Variants in SOX5 observed in about 807,000 individuals in gnomAD.
SOX5 encodes the protein SRY-box transcription factor 5.
A neutral mutation model predicts 92.0 loss-of-function variants in SOX5; 9 were observed. The ratio of observed to expected loss-of-function variants is 0.10; its 90% CI spans 0.06 to 0.17. The LOEUF (loss-of-function observed/expected upper bound fraction) is 0.17, where lower values mean the gene tolerates loss of function less well. Ranked by LOEUF, SOX5 falls within the 10% of genes least tolerant of loss-of-function variation. The probability of loss-of-function intolerance (pLI) is 1.00; values close to 1 mark genes in which losing one functional copy is unlikely to be tolerated. For synonymous variants in SOX5, 344 were observed against 336.3 expected (o/e 1.02, Z -0.25); for missense variants, 642 against 944.5 (o/e 0.68, Z 4.20).
chr12:23,814,978 T>C (rs1313955591), intron 3 of SOX5, among the ~76,000 whole-genome samples: 3 of 152,190 alleles, frequency 2.0e-5, no homozygotes, highest in South Asian at 2.1e-4. Context: ...CCTTTTAAAA[T>C]AGGTTAAGAA....
rs761897546 is a variant in SOX5, at chr12:23,529,678, T to C, written c.*4541A>G. 2 of 152,110 alleles carry C rather than the reference T, an allele frequency of 1.3e-5. No homozygotes were observed. The highest frequency in any genetic ancestry group is 2.4e-5 in the African/African-American group (1 of 41,438). The allele number at this position is 152,110 out of a possible 1,614,324, so 9.4% of individuals were successfully genotyped here. A position where few individuals can be genotyped will look rare whatever the true frequency, so the allele number is the denominator to read the frequency against. ...CTCCTGTTTTATTTTTATTGTGGCATGAATGATAACATAAAACCAAAAACA... is the reference window on the plus strand; with the variant it reads ...CTCCTGTTTTATTTTTATTGTGGCACGAATGATAACATAAAACCAAAAACA... On this transcript the variant is annotated 3_prime_UTR_variant, in exon 15 of 15. Coordinates refer to ENST00000451604, the MANE Select transcript of SOX5 (RefSeq NM_006940.6).
chr12:24,303,275 G>A (rs986381718), intron 2 of SOX5, among the ~76,000 whole-genome samples: 5 of 152,084 alleles, frequency 3.3e-5, no homozygotes, highest in Non-Finnish European at 7.4e-5. Flanking sequence ...CCTTAAAGTT[G>A]ACTGATTTCT....
chr12:24,561,404 G>A (rs117294929), intron 1 of SOX5, among the ~76,000 whole-genome samples: 13 of 152,306 alleles, frequency 8.5e-5, no homozygotes, highest in Middle Eastern at 6.8e-3. Context: ...TAGGGAAAAT[G>A]ACTAATAAAA....
At chr12:23,613,370 G>C (rs2076190295) in intron 8 of SOX5, among the ~76,000 whole-genome samples, 1 of 151,756 alleles carries the variant, frequency 6.6e-6, no homozygotes, top group Non-Finnish European at 1.5e-5. Flanking sequence ...AACAAATGCT[G>C]GCAAGGATGT....
intron 1 of SOX5, among the ~76,000 whole-genome samples, chr12:24,377,473 A>C (rs1957406344): frequency 6.6e-6 from 1 of 152,260 alleles, no homozygotes. Context: ...CTAAGAATGC[A>C]GAAAAATGTT....
At chr12:24,454,124 T>A (rs1471141370) in intron 1 of SOX5, among the ~76,000 whole-genome samples, 1 of 152,154 alleles carries the variant, frequency 6.6e-6, no homozygotes, top group East Asian at 1.9e-4. Flanking sequence ...TTTATTAATT[T>A]CCCACCAAAA....
chr12:24,058,535 T>C (rs770826493), intron 4 of SOX5, among the ~76,000 whole-genome samples: 21 of 152,338 alleles, frequency 1.4e-4, no homozygotes, highest in Non-Finnish European at 2.6e-4. Flanking sequence ...AAATTTTCTT[T>C]GCTGGTAAGT....
intron 4 of SOX5, among the ~76,000 whole-genome samples, chr12:23,961,053 T>C (rs2140011338): frequency 6.6e-6 from 1 of 152,302 alleles, no homozygotes; most frequent in East Asian, 1.9e-4. Flanking sequence ...CTATCAACTA[T>C]ACATAATGTT....
At chr12:24,053,011 T>G (rs887521978) in intron 4 of SOX5, among the ~76,000 whole-genome samples, 1 of 152,228 alleles carries the variant, frequency 6.6e-6, no homozygotes, top group Non-Finnish European at 1.5e-5. Flanking sequence ...CATTTTCTGC[T>G]GCTATGTTCT....
intron 7 of SOX5, among the ~76,000 whole-genome samples, chr12:23,652,900 T>C (rs934980975): frequency 2.0e-5 from 3 of 152,128 alleles, no homozygotes; most frequent in Non-Finnish European, 4.4e-5. Context: ...TGAAGTATAG[T>C]AAGTATTTAT....
At position 23,912,807 on chromosome 12, in the gene SOX5, A is replaced by G. The variant is rs77725441; in HGVS notation, c.39-16783T>C. On this transcript the variant is annotated intron_variant, in intron 1 of 14. Transcript: ENST00000451604. The stretch of plus-strand genomic sequence containing the variant: ...ATAGAAAAAATTGTATAGAAAGTAG[A>G]TTGGTGGTTGTCTAGGGTAGGGTAT... 8.6e-3 allele frequency among the ~76,000 whole-genome samples: 1,296 copies of G among 150,312 alleles called. 18 individuals carry two copies. The highest frequency in any genetic ancestry group is 0.03 in the African/African-American group (1,234 of 41,206).
intron 4 of SOX5, among the ~76,000 whole-genome samples, chr12:23,746,157 A>C (rs1268165664): frequency 6.6e-6 from 1 of 152,168 alleles, no homozygotes; most frequent in Non-Finnish European, 1.5e-5. Context: ...AAATTATCAC[A>C]TTCTTCATGA....
chr12:24,384,072 G>A (rs190910104), intron 1 of SOX5, among the ~76,000 whole-genome samples: 89 of 152,166 alleles, frequency 5.8e-4, no homozygotes, highest in African/African-American at 2.0e-3. Context: ...TTCCTCTACC[G>A]CCATTATTGT....
chr12:24,089,138 A>C (rs1375713684), intron 4 of SOX5, among the ~76,000 whole-genome samples: 1 of 152,158 alleles, frequency 6.6e-6, no homozygotes, highest in East Asian at 1.9e-4. Context: ...AGAAGATAAA[A>C]ATATTAGTGA....
intron 4 of SOX5, among the ~76,000 whole-genome samples, chr12:24,179,173 A>G (rs954915527): frequency 6.6e-6 from 1 of 152,234 alleles, no homozygotes; most frequent in Non-Finnish European, 1.5e-5. Flanking sequence ...AACATTGTAG[A>G]GCACTCTTTA....
chr12:23,691,469 G>T (rs1030702297), intron 6 of SOX5, among the ~76,000 whole-genome samples: 2 of 152,044 alleles, frequency 1.3e-5, no homozygotes, highest in African/African-American at 4.8e-5. Flanking sequence ...CAAATATCTA[G>T]TACAACTGAT....
intron 4 of SOX5, among the ~76,000 whole-genome samples, chr12:24,028,668 C>T (rs1955158267): frequency 6.6e-6 from 1 of 151,952 alleles, no homozygotes; most frequent in Non-Finnish European, 1.5e-5. Context: ...AAAATCCCCC[C>T]ATCTTTTCCT....
chr12:24,161,918 A>G (rs994366114), intron 4 of SOX5, among the ~76,000 whole-genome samples: 5 of 152,234 alleles, frequency 3.3e-5, no homozygotes, highest in African/African-American at 1.2e-4. Flanking sequence ...TCAGAACTCT[A>G]GAAGCAACCT....
At chr12:23,959,062 T>C (rs915586526) in intron 4 of SOX5, among the ~76,000 whole-genome samples, 2 of 151,854 alleles carry the variant, frequency 1.3e-5, no homozygotes, top group Admixed American at 6.6e-5. Context: ...AGTTCCTCAA[T>C]AGGTAGCATC....
Sources: gnomAD v4.1 joint callset for allele counts (sites outside exome capture counted in the v4.1 genomes callset) on GRCh38, gnomAD v4.1.1 for gene constraint, MANE v1.5 for transcripts, NCBI Gene and HGNC (gene_info 2026-07-23, HGNC 2026-07-21) for gene names.